The following ANKS4B variants were observed in gnomAD, a reference collection of about 807,000 sequenced individuals.
The protein encoded by ANKS4B is ankyrin repeat and sterile alpha motif domain containing 4B, also known as ankyrin repeat and SAM domain-containing protein 4B.
ANKS4B carries 21 observed loss-of-function variants against 20.2 expected under a neutral mutation model. The ratio of observed to expected loss-of-function variants is 1.04; its 90% CI spans 0.74 to 1.50. The LOEUF (loss-of-function observed/expected upper bound fraction) is 1.50. Among genes scored for constraint, ANKS4B ranks in the 40% most tolerant of loss-of-function variants. The pLI is 0.00. For missense variants in ANKS4B, 473 were observed against 494.6 expected, an observed-to-expected ratio of 0.96 and a Z score of 0.41; for synonymous variants, 179 against 194.5, an observed-to-expected ratio of 0.92 and a Z score of 0.66.
In ANKS4B at chr16:21,250,619, C is replaced by T. The variant is rs538753206; in HGVS notation, c.1053C>T (p.Phe351=). 1.9e-6 allele frequency: 3 copies of T among 1,614,080 alleles called. No homozygotes were observed. The highest frequency in any genetic ancestry group is 1.7e-6 in the Non-Finnish European group (2 of 1,179,970). The change falls in exon 2 of 2, where the codon TTC becomes TTT. Residue 351 remains phenylalanine, a synonymous_variant. Coordinates refer to ENST00000311620, the MANE Select transcript of ANKS4B (RefSeq NM_145865.3). ...TCGATGCCACGCCCCTGGAAGTGTT[C>T]TTGCTGTCTCAGCACCTGGAAGAAT... ...DVVDATPLEV[F]LLSQHLEEFL... is the part of the protein sequence containing the mutation.
rs1210223026 is a variant in ANKS4B, at chr16:21,252,623, G to A, written c.*1803G>A. The A allele has an allele frequency of 2.0e-5, 3 of 152,224 alleles. No homozygotes were observed. Among genetic ancestry groups the A allele is most frequent in the African/African-American group, 7.2e-5 (3 of 41,466 alleles). 9.4% of individuals were successfully genotyped at this position (152,224 alleles called of 1,614,324 possible). ...GAAAAAAAACTAAGTTCTTTGGAGG[G>A]AAGATTTGATTGTCAAAGGAAATTT... On this transcript the variant is annotated 3_prime_UTR_variant, in exon 2 of 2. Coordinates refer to ENST00000311620, the MANE Select transcript of ANKS4B (RefSeq NM_145865.3).
intron 1 of ANKS4B, among the ~76,000 whole-genome samples, chr16:21,239,599 A>C (rs921339922): frequency 1.3e-5 from 2 of 152,062 alleles, no homozygotes; most frequent in African/African-American, 4.8e-5. Context: ...CAAACAAACA[A>C]ACACATGCAT....
Position 21,233,879 on chromosome 16 carries a change from C to T in ANKS4B, c.142C>T (p.Leu48=), listed in dbSNP as rs778575481. The T allele has an allele frequency of 2.5e-6, 4 of 1,613,340 alleles. No individual in the cohort carries two copies. The Admixed American group carries it at 5.0e-5, about 20-fold the overall frequency. ...AGCCTACCATGGGAACTTGGAAGCC[C>T]TAGAGATAATCTGCAGTAGAGGGTA... The part of the protein sequence containing the change: ...LAAYHGNLEA[L]EIICSRGGDP... The change falls in exon 1 of 2, where the codon CTA becomes TTA. Residue 48 remains leucine, a synonymous_variant. Coordinates refer to ENST00000311620, the MANE Select transcript of ANKS4B (RefSeq NM_145865.3).
rs746345226 is a variant in ANKS4B, at chr16:21,250,400, G to A, written c.834G>A (p.Arg278=). The A allele has an allele frequency of 6.2e-7, 1 of 1,614,190 alleles. No homozygotes were observed. Among genetic ancestry groups the A allele is most frequent in the Non-Finnish European group, 8.5e-7 (1 of 1,180,044 alleles). ...GTCTAGGAAGTATTGTTTTTAGAAG[G>A]AACAGGATATCGAGTCCTGAAGACA... ...RPGLGSIVFR[R]NRISSPEDIS... The change falls in exon 2 of 2, where the codon AGG becomes AGA. Residue 278 remains arginine (R), a synonymous_variant. Coordinates refer to ENST00000311620, the MANE Select transcript of ANKS4B (RefSeq NM_145865.3).
intron 1 of ANKS4B, among the ~76,000 whole-genome samples, chr16:21,241,036 C>T (rs1356523801): frequency 1.3e-5 from 2 of 152,164 alleles, no homozygotes; most frequent in African/African-American, 2.4e-5. Context: ...TCAGGCGATC[C>T]ACCTGCCTTG....
chr16:21,251,085 T>C lies in ANKS4B; in HGVS notation c.*265T>C, dbSNP rs2093338901. 2.5e-6 allele frequency: 1 copy of C among 397,442 alleles called. No homozygotes were observed. Among genetic ancestry groups the C allele is most frequent in the South Asian group, 8.0e-5 (1 of 12,544 alleles). 24.6% of individuals were successfully genotyped at this position (397,442 alleles called of 1,614,324 possible). The stretch of plus-strand genomic sequence containing the variant: ...TCTTATATGTACATATAATTGTTTT[T>C]GTGGTTGTTTTGTTTTGTTTTGTTT... On this transcript the variant is annotated 3_prime_UTR_variant, in exon 2 of 2. Transcript: ENST00000311620.
At chr16:21,241,013 C>G (rs969081671) in intron 1 of ANKS4B, among the ~76,000 whole-genome samples, 2 of 152,116 alleles carry the variant, frequency 1.3e-5, no homozygotes, top group Non-Finnish European at 2.9e-5. Context: ...AGGCCGGTCT[C>G]GAACTCCTGA....
intron 1 of ANKS4B, among the ~76,000 whole-genome samples, chr16:21,240,770 A>T (rs1410014663): frequency 6.8e-6 from 1 of 147,230 alleles, no homozygotes; most frequent in Non-Finnish European, 1.5e-5. Context: ...CCACTATTTT[A>T]TTTTTTTTTT....
chr16:21,237,852 A>G (rs2093322079), intron 1 of ANKS4B, among the ~76,000 whole-genome samples: 1 of 152,214 alleles, frequency 6.6e-6, no homozygotes, highest in Admixed American at 6.5e-5. Flanking sequence ...CATTTTGGCC[A>G]ACATGATAGG....
chr16:21,250,833 G>C lies in ANKS4B; in HGVS notation c.*13G>C, dbSNP rs778526198. The C allele has an allele frequency of 6.3e-7, 1 of 1,576,508 alleles. No homozygotes were observed. Among genetic ancestry groups the C allele is most frequent in the South Asian group, 1.2e-5 (1 of 86,562 alleles). Reference sequence around the variant, plus strand: ...CACCAGCCTGTGATGGAGAGTTTTGGCCTGGAGCATTGGGGTGATGCTGTG... The same window carrying C: ...CACCAGCCTGTGATGGAGAGTTTTGCCCTGGAGCATTGGGGTGATGCTGTG... On this transcript the variant is annotated 3_prime_UTR_variant, in exon 2 of 2. Coordinates refer to ENST00000311620, the MANE Select transcript of ANKS4B (RefSeq NM_145865.3).
intron 1 of ANKS4B, among the ~76,000 whole-genome samples, chr16:21,241,881 AAT>A (rs2093326954): frequency 1.3e-5 from 2 of 152,130 alleles, no homozygotes; most frequent in Admixed American, 1.3e-4. Context: ...GCAATTTTCA[AAT>A]ATACAGTGTA....
chr16:21,249,756 TG>T lies in ANKS4B; in HGVS notation c.194del (p.Gly65GlufsTer63). 6.2e-7 allele frequency: 1 copy of T among 1,613,264 alleles called. No homozygotes were observed. Among genetic ancestry groups the T allele is most frequent in the Non-Finnish European group, 8.5e-7 (1 of 1,179,302 alleles). The stretch of plus-strand genomic sequence containing the variant: ...AGGGGACCCTGATAGGTGTGACATC[TG>T]GGGAAACACTCCTCTACATTTTGCA... The part of the protein sequence containing the change: ...RGGDPDRCDI[W>X]GNTPLHFAAS... On this transcript the variant is annotated frameshift_variant, in exon 2 of 2. Transcript: ENST00000311620. LOFTEE classifies it high-confidence loss of function.
chr16:21,239,234 C>T (rs559634345), intron 1 of ANKS4B, among the ~76,000 whole-genome samples: 77 of 152,214 alleles, frequency 5.1e-4, no homozygotes, highest in African/African-American at 1.7e-3. Context: ...AACTACCATT[C>T]GAGCCAGCAA....
rs2093338053 is a variant in ANKS4B, at chr16:21,250,530, G to A, written c.964G>A (p.Glu322Lys). ...GGGTGCAGCTGATGAAGAGGGAGAG[G>A]AAAACGGCCTCAAAGATGATCTGCC... ...DEGAADEEGE[E>K]NGLKDDLPWD... The change falls in exon 2 of 2, where the codon GAA (glutamate) becomes AAA (lysine). Residue 322 changes from glutamate (E) to lysine (K), a missense_variant. Physicochemically the swap from Glu to Lys is moderately conservative, Grantham distance 56 (BLOSUM62 1). Coordinates refer to ENST00000311620, the MANE Select transcript of ANKS4B (RefSeq NM_145865.3). The A allele has an allele frequency of 6.2e-7, 1 of 1,614,058 alleles. No individual in the cohort carries two copies. The highest frequency in any genetic ancestry group is 1.3e-5 in the African/African-American group (1 of 74,916).
At chr16:21,241,770 T>C (rs915806498) in intron 1 of ANKS4B, among the ~76,000 whole-genome samples, 1 of 152,232 alleles carries the variant, frequency 6.6e-6, no homozygotes, top group African/African-American at 2.4e-5. Context: ...TACAACGTGA[T>C]TTTTAAAAAT....
In ANKS4B at chr16:21,253,153, T is replaced by A. The variant is rs2093341716; in HGVS notation, c.*2333T>A. On this transcript the variant is annotated 3_prime_UTR_variant, in exon 2 of 2. Transcript: ENST00000311620. ...CTTCATTAGATCTCTACAGGCTGAC[T>A]TACATCAAGTGGAATTTACTGTTGA... is the stretch of plus-strand genomic sequence containing the variant. 6.6e-6 allele frequency: 1 copy of A among 152,196 alleles called. No homozygotes were observed. Among genetic ancestry groups the A allele is most frequent in the South Asian group, 2.1e-4 (1 of 4,826 alleles). The allele number at this position is 152,196 out of a possible 1,614,324, so 9.4% of individuals were successfully genotyped here.
rs1392072326 is a variant in ANKS4B at position 21,250,194 on chromosome 16, A to C, written c.628A>C (p.Lys210Gln). The C allele has an allele frequency of 3.1e-6, 5 of 1,614,058 alleles. No homozygotes were observed. The highest frequency in any genetic ancestry group is 4.2e-6 in the Non-Finnish European group (5 of 1,180,030). Residue 210 changes from lysine to glutamine, a missense_variant, in exon 2 of 2, where the codon AAG (lysine) becomes CAG (glutamine). Coordinates refer to ENST00000311620, the MANE Select transcript of ANKS4B (RefSeq NM_145865.3). ...GIKDTFKIKF[K>Q]KNKDTAEQVG... is the part of the protein sequence containing the mutation. ...TAAAGACACTTTCAAGATCAAGTTCAAGAAGAACAAAGATACAGCAGAACA... is the reference window on the plus strand; with the variant it reads ...TAAAGACACTTTCAAGATCAAGTTCCAGAAGAACAAAGATACAGCAGAACA...
Position 21,250,641 on chromosome 16 carries a change from G to T in ANKS4B, c.1075G>T (p.Glu359Ter), listed in dbSNP as rs1455093839. Residue 359 changes from glutamate (E) to a stop codon, truncating the protein, a stop_gained, in exon 2 of 2, where the codon GAA becomes TAA. Coordinates refer to ENST00000311620, the MANE Select transcript of ANKS4B (RefSeq NM_145865.3). LOFTEE classifies it high-confidence loss of function. The stretch of plus-strand genomic sequence containing the variant: ...GTTCTTGCTGTCTCAGCACCTGGAA[G>T]AATTCCTGCCTATCTTCAAGAGAGA... ...EVFLLSQHLE[E>*]FLPIFKREQI... The T allele has an allele frequency of 2.5e-6, 4 of 1,614,028 alleles. No homozygotes were observed. Among genetic ancestry groups the T allele is most frequent in the Non-Finnish European group, 3.4e-6 (4 of 1,179,874 alleles).
intron 1 of ANKS4B, among the ~76,000 whole-genome samples, chr16:21,248,525 T>G (rs2093335088): frequency 6.6e-6 from 1 of 151,182 alleles, no homozygotes; most frequent in Non-Finnish European, 1.5e-5. Context: ...AGGTCAGGAG[T>G]TTGAGACCAG....
Sources: allele counts gnomAD v4.1 joint callset (sites outside exome capture counted in the v4.1 genomes callset), GRCh38; gene constraint gnomAD v4.1.1; transcripts MANE v1.5; gene names NCBI Gene and HGNC (gene_info 2026-07-23, HGNC 2026-07-21).